Variants in SLC19A1 observed in about 807,000 individuals in gnomAD.
SLC19A1 encodes the protein reduced folate transporter.
Under a neutral mutation model 35.3 loss-of-function variants are expected in SLC19A1, and 37 were observed. The observed-to-expected ratio is 1.05, with a 90% CI of 0.81 to 1.38. The LOEUF is 1.38. Ranked by LOEUF, SLC19A1 falls within the 40% of genes most tolerant of loss-of-function variation. The pLI is 0.00. For missense variants in SLC19A1, 831 were observed against 826.9 expected (o/e 1.00, Z -0.06); for synonymous variants, 460 against 398.5 (o/e 1.15, Z -1.84).
chr21:45,511,993 G>A (rs371014401), downstream of SLC19A1, among the ~76,000 whole-genome samples: 65 of 152,282 alleles, frequency 4.3e-4, 1 homozygote, highest in East Asian at 0.012. Flanking sequence ...AGCATGGGGG[G>A]CAGTCTGGGA....
chr21:45,504,180 G>A, intron 3 of SLC19A1: 4 of 1,150,580 alleles, frequency 3.5e-6, no homozygotes, highest in Admixed American at 3.7e-5. Context: ...AGGGGCGCTG[G>A]CTCCAGAGGG....
chr21:45,521,108 C>G (rs2077426981), intron 5 of SLC19A1, among the ~76,000 whole-genome samples: 1 of 151,944 alleles, frequency 6.6e-6, no homozygotes, highest in African/African-American at 2.4e-5. Context: ...GGAGAAGATG[C>G]CAACTGCAAG....
rs960933105 is a variant in SLC19A1 at position 45,540,050 on chromosome 21, C to G, written c.-49-2042G>C. On this transcript the variant is annotated intron_variant, in intron 1 of 5. Transcript: ENST00000311124. The surrounding 1 kb of genome is among the most constrained non-coding windows in gnomAD (Gnocchi z 5.5). ...AGGCAGATCTGACGGTCGCCTGCCT[C>G]GGCCTCACCTTCCATGCCTCCTCAG... 1.2e-4 allele frequency among the ~76,000 whole-genome samples: 19 copies of G among 152,268 alleles called. No individual in the cohort carries two copies. In the East Asian group the frequency reaches 3.1e-3, roughly 25 times the overall value.
chr21:45,513,830 G>A lies in SLC19A1; in HGVS notation c.*1828C>T, dbSNP rs559156250. On this transcript the variant is annotated 3_prime_UTR_variant, in exon 6 of 6. Transcript: ENST00000311124. ...TGCCCCACTGGCAGATCCCGAGTGT[G>A]CACAGGCACGCACGGTTACATGGGG... 22 of 152,366 alleles carry A rather than the reference G, an allele frequency of 1.4e-4. No individual in the cohort carries two copies. Among genetic ancestry groups the A allele is most frequent in the African/African-American group, 4.8e-4 (20 of 41,572 alleles). The allele number at this position is 152,366 out of a possible 1,614,324, so 9.4% of individuals were successfully genotyped here.
chr21:45,553,061 ACCGGGCGGCAGGTGG>A (rs2078482999), intron 1 of SLC19A1, among the ~76,000 whole-genome samples: 1 of 151,924 alleles, frequency 6.6e-6, no homozygotes, highest in South Asian at 2.1e-4. Flanking sequence ...ACAAGACTCC[ACCGGGCGGCAGGTGG>A]CCAGGCTCAG....
chr21:45,515,150 A>C lies in SLC19A1; in HGVS notation c.*508T>G, dbSNP rs1472964953. 1 of 1,516,610 alleles carries C rather than the reference A, an allele frequency of 6.6e-7. No individual in the cohort carries two copies. 93.9% of individuals were successfully genotyped at this position (1,516,610 alleles called of 1,614,324 possible). ...ACAGAGAAGCCACATGCAGTTCTTC[A>C]TTCTACGTCAGTTAAAAAAAAAAAA... On this transcript the variant is annotated 3_prime_UTR_variant, in exon 6 of 6. Coordinates refer to ENST00000311124, the MANE Select transcript of SLC19A1 (RefSeq NM_194255.4).
At chr21:45,504,619 C>A in intron 3 of SLC19A1, 3 of 1,461,830 alleles carry the variant, frequency 2.1e-6, no homozygotes, top group Non-Finnish European at 2.8e-6. Flanking sequence ...GAGCCGAGGG[C>A]AGGTCCAGCC....
chr21:45,512,714 C>A lies in SLC19A1; in HGVS notation c.*2944G>T. 1 of 435,006 alleles carries A rather than the reference C, an allele frequency of 2.3e-6. No individual in the cohort carries two copies. The highest frequency in any genetic ancestry group is 2.0e-5 in the African/African-American group (1 of 50,024). 26.9% of individuals were successfully genotyped at this position (435,006 alleles called of 1,614,324 possible). ...GCCTGATCAGACCACGGCTCGATTT[C>A]TCCAGGATTTCCTGCTTTGGGAAGC... On this transcript the variant is annotated 3_prime_UTR_variant, in exon 6 of 6. Coordinates refer to ENST00000311124, the MANE Select transcript of SLC19A1 (RefSeq NM_194255.4).
upstream of SLC19A1, among the ~76,000 whole-genome samples, chr21:45,543,129 C>CG (rs1168960775): frequency 6.6e-6 from 1 of 152,178 alleles, no homozygotes; most frequent in Non-Finnish European, 1.5e-5. Context: ...AGGGACAGCC[C>CG]GGGGGAGACC....
chr21:45,512,440 G>C (rs369684141), downstream of SLC19A1: 5 of 1,584,580 alleles, frequency 3.2e-6, no homozygotes, highest in Non-Finnish European at 3.4e-6. Flanking sequence ...CCGGCGGCTC[G>C]GAGGAAGCCC....
rs1251746957 is a variant in SLC19A1, at chr21:45,531,669, C to G, written c.669G>C (p.Ser223=). The stretch of plus-strand genomic sequence containing the variant: ...GATTCATGCGCTCCAGCTCCGAAGC[C>G]GAGGTTTCGCACCGCCCCCGGTCGT... ...NRDDRGRCET[S]ASELERMNPG... The change falls in exon 3 of 6, where the codon TCG becomes TCC. Residue 223 remains serine (S), a synonymous_variant. Transcript: ENST00000311124. 2 of 1,612,306 alleles carry G rather than the reference C, an allele frequency of 1.2e-6. No homozygotes were observed. The highest frequency in any genetic ancestry group is 4.5e-5 in the East Asian group (2 of 44,880).
At chr21:45,546,466 C>T (rs965836713), upstream of SLC19A1, among the ~76,000 whole-genome samples, 1 of 152,246 alleles carries the variant, frequency 6.6e-6, no homozygotes, top group Non-Finnish European at 1.5e-5. Flanking sequence ...GGGCCCCGGA[C>T]AGCGGCCCTA....
downstream of SLC19A1, chr21:45,510,159 G>C: frequency 6.3e-7 from 1 of 1,596,766 alleles, no homozygotes. Context: ...GGGCCGTGGG[G>C]CTGGCGGGCA....
Position 45,541,137 on chromosome 21 carries a change from C to T in SLC19A1, c.-50+1231G>A, listed in dbSNP as rs1182533095. On this transcript the variant is annotated intron_variant, in intron 1 of 5. Transcript: ENST00000311124. ...GCTATCACTGCTGCAGGCCCAAACA[C>T]CCGAGAAGCACTCTTTCTCATCTGT... is the stretch of plus-strand genomic sequence containing the variant. Among the ~76,000 whole-genome samples the T allele has an allele frequency of 3.3e-5, 5 of 152,326 alleles. No individual in the cohort carries two copies. The South Asian group carries it at 8.3e-4, about 25-fold the overall frequency.
chr21:45,556,493 T>C (rs1055345), intron 1 of SLC19A1, among the ~76,000 whole-genome samples: 62,140 of 152,204 alleles, frequency 0.41, 13,872 homozygotes, highest in African/African-American at 0.6. Context: ...TTATGTGAAA[T>C]CCTGCCTTTC....
chr21:45,504,096 G>C, intron 3 of SLC19A1: 1 of 1,602,634 alleles, frequency 6.2e-7, no homozygotes. Flanking sequence ...CCAAGGTCCT[G>C]TACATCCCGC....
chr21:45,502,581 A>AAGTT (rs1224181654), intron 3 of SLC19A1: 2 of 152,222 alleles, frequency 1.3e-5, no homozygotes, highest in African/African-American at 4.8e-5. Flanking sequence ...CAAAAATCCA[A>AAGTT]AGTTAATTCT....
chr21:45,534,691 C>T lies in SLC19A1; in HGVS notation c.190-2543G>A, dbSNP rs2078049239. On this transcript the variant is annotated intron_variant, in intron 2 of 5. Coordinates refer to ENST00000311124, the MANE Select transcript of SLC19A1 (RefSeq NM_194255.4). This position sits in a 1 kb window ranked among gnomAD's most constrained non-coding sequence, Gnocchi z 4.2. ...CAGAGCCCTCCCGCTCCTCTCCCTG[C>T]ACCTCCTCAACGGCCCCTACTCCCT... 16 of 1,137,438 alleles carry T rather than the reference C, an allele frequency of 1.4e-5. No homozygotes were observed. The highest frequency in any genetic ancestry group is 2.7e-5 in the South Asian group (2 of 73,924). The allele number at this position is 1,137,438 out of a possible 1,614,324, so 70.5% of individuals were successfully genotyped here.
chr21:45,556,207 T>A (rs1294091449), intron 1 of SLC19A1, among the ~76,000 whole-genome samples: 1 of 151,824 alleles, frequency 6.6e-6, no homozygotes, highest in African/African-American at 2.4e-5. Flanking sequence ...CCAGCAGAGG[T>A]CCTCACGGCC....
Sources: gnomAD v4.1 joint callset for allele counts (sites outside exome capture counted in the v4.1 genomes callset) on GRCh38, gnomAD v4.1.1 for gene constraint, Gnocchi (gnomAD v3.1) non-coding constraint, MANE v1.5 for transcripts, NCBI Gene and HGNC (gene_info 2026-07-23, HGNC 2026-07-21) for gene names.